The following SAMD5 variants were observed in gnomAD, a reference collection of about 807,000 sequenced individuals.
The protein encoded by SAMD5 is sterile alpha motif domain containing 5, also known as sterile alpha motif domain-containing protein 5.
A neutral mutation model predicts 11.3 loss-of-function variants in SAMD5; 13 were observed. The ratio of observed to expected loss-of-function variants is 1.15; its 90% CI spans 0.75 to 1.83. The LOEUF is 1.83. Ranked by LOEUF, SAMD5 falls within the 40% of genes most tolerant of loss-of-function variation. The pLI is 0.00. For synonymous variants in SAMD5, 129 were observed against 111.3 expected (o/e 1.16, Z -1.00); for missense variants, 255 against 239.1 (o/e 1.07, Z -0.44).
rs200377235 is a variant in SAMD5, at chr6:147,724,869, TA to T, written c.163-12445del. Among the ~76,000 whole-genome samples, 1,328 of 152,292 alleles carry T rather than the reference TA, an allele frequency of 8.7e-3. 15 individuals are homozygous for T. The highest frequency in any genetic ancestry group is 0.056 in the South Asian group (270 of 4,824). On this transcript the variant is annotated intron_variant, in intron 1 of 1. Transcript: ENST00000566741. ...ACCCAAACCTAAGAGTTTGGTGATT[TA>T]AAGTTTACTGCTAATTTCAGACAAA...
At position 147,569,716 on chromosome 6, in the gene SAMD5, T is replaced by A. The variant is rs962478593; in HGVS notation, c.*5260T>A. 21 of 985,388 alleles carry A rather than the reference T, an allele frequency of 2.1e-5. No individual in the cohort carries two copies. In the African/African-American group the frequency reaches 3.3e-4, roughly 16 times the overall value. 61.0% of individuals were successfully genotyped at this position (985,388 alleles called of 1,614,324 possible). On this transcript the variant is annotated 3_prime_UTR_variant, in exon 2 of 2. Coordinates refer to ENST00000367474, the MANE Select transcript of SAMD5 (RefSeq NM_001030060.3). Reference sequence around the variant, plus strand: ...ATACTATTCGGGTTGCTAAAGCCATTATTCATAGAAAATTTCTGCCCCTAC... The same window carrying A: ...ATACTATTCGGGTTGCTAAAGCCATAATTCATAGAAAATTTCTGCCCCTAC...
At chr6:147,850,722 A>G in the SAMD5 span, among the ~76,000 whole-genome samples, 1 of 151,816 alleles carries the variant, frequency 6.6e-6, no homozygotes, top group African/African-American at 2.4e-5. Flanking sequence ...TTCAAATCTC[A>G]TGCCATCCCA....
At chr6:147,563,803 CT>C (rs1388615568) in intron 1 of SAMD5, among the ~76,000 whole-genome samples, 3 of 152,242 alleles carry the variant, frequency 2.0e-5, no homozygotes, top group Non-Finnish European at 4.4e-5. Flanking sequence ...TAATTAACCT[CT>C]TTCCAGCTCA....
At chr6:147,708,547 G>A (rs1791355546) in intron 1 of SAMD5, among the ~76,000 whole-genome samples, 1 of 152,188 alleles carries the variant, frequency 6.6e-6, no homozygotes, top group Admixed American at 6.5e-5. Flanking sequence ...GCAAATGGGA[G>A]CTTGATAAAA....
At position 147,710,005 on chromosome 6, in the gene SAMD5, G is replaced by A. The variant is rs1299954857; in HGVS notation, c.163-27312G>A. 3.3e-5 allele frequency among the ~76,000 whole-genome samples: 5 copies of A among 152,150 alleles called. No individual in the cohort carries two copies. The East Asian group carries it at 5.8e-4, about 18-fold the overall frequency. ...CAGTGAGGTCTACAAAGTGCTTTAC[G>A]ATCAGGCCTCTGTCTACCTCCAAAT... On this transcript the variant is annotated intron_variant, in intron 1 of 1. Transcript: ENST00000566741.
At chr6:147,930,080 A>G in the SAMD5 span, among the ~76,000 whole-genome samples, 1 of 152,092 alleles carries the variant, frequency 6.6e-6, no homozygotes, top group Non-Finnish European at 1.5e-5. Context: ...TATACCCTAG[A>G]TTATCCCTCT....
At chr6:147,806,255 A>G in the SAMD5 span, among the ~76,000 whole-genome samples, 1 of 152,220 alleles carries the variant, frequency 6.6e-6, no homozygotes, top group Non-Finnish European at 1.5e-5. Flanking sequence ...ATGCGGCTAC[A>G]TCAACAGCGA....
chr6:147,528,061 T>C (rs1294270220), intron 1 of SAMD5, among the ~76,000 whole-genome samples: 1 of 151,970 alleles, frequency 6.6e-6, no homozygotes, highest in Non-Finnish European at 1.5e-5. Flanking sequence ...GGGATGCTGC[T>C]ACACCATTCA....
chr6:147,641,597 A>G (rs1438915767), intron 1 of SAMD5, among the ~76,000 whole-genome samples: 2 of 135,816 alleles, frequency 1.5e-5, no homozygotes, highest in Non-Finnish European at 3.2e-5. Flanking sequence ...TCAAAAGTTT[A>G]ATGGTTGTAT....
intron 1 of SAMD5, among the ~76,000 whole-genome samples, chr6:147,669,767 C>T (rs1004207066): frequency 1.3e-5 from 2 of 152,098 alleles, no homozygotes; most frequent in African/African-American, 2.4e-5. Flanking sequence ...TTGCTGTTTC[C>T]ACCACATCTG....
intron 1 of SAMD5, among the ~76,000 whole-genome samples, chr6:147,525,113 A>C (rs2128440514): frequency 6.6e-6 from 1 of 151,772 alleles, no homozygotes; most frequent in Non-Finnish European, 1.5e-5. Flanking sequence ...AAAAATAGAT[A>C]TGGTATAGGG....
At chr6:147,739,975 A>G (rs930186756), downstream of SAMD5, among the ~76,000 whole-genome samples, 1 of 151,932 alleles carries the variant, frequency 6.6e-6, no homozygotes, top group Non-Finnish European at 1.5e-5. Context: ...ACATGCCACC[A>G]CGCCCGGCCA....
chr6:147,532,293 C>T (rs1656851681), intron 1 of SAMD5, among the ~76,000 whole-genome samples: 1 of 151,422 alleles, frequency 6.6e-6, no homozygotes, highest in South Asian at 2.1e-4. Flanking sequence ...CTCCCTCCCA[C>T]CTTCCCCCAC....
intron 1 of SAMD5, among the ~76,000 whole-genome samples, chr6:147,653,969 CCCAGA>C (rs1332765808): frequency 6.6e-6 from 1 of 152,172 alleles, no homozygotes; most frequent in East Asian, 1.9e-4. Context: ...CTGGTCACAG[CCCAGA>C]AGATGTAATC....
At chr6:147,730,621 T>A (rs775590951) in intron 1 of SAMD5, among the ~76,000 whole-genome samples, 18 of 152,122 alleles carry the variant, frequency 1.2e-4, no homozygotes, top group Admixed American at 1.3e-4. Context: ...GATGTGGGCA[T>A]GTTGATGATA....
chr6:147,878,835 A>G, the SAMD5 span, among the ~76,000 whole-genome samples: 1 of 151,868 alleles, frequency 6.6e-6, no homozygotes, highest in Non-Finnish European at 1.5e-5. Flanking sequence ...GCTCACTGCA[A>G]GCTCCACCTC....
the SAMD5 span, among the ~76,000 whole-genome samples, chr6:147,928,143 C>T: frequency 6.6e-6 from 1 of 152,110 alleles, no homozygotes; most frequent in Non-Finnish European, 1.5e-5. Flanking sequence ...TTGGTTGTGT[C>T]TCTGCCAGGT....
chr6:147,517,030 C>T (rs957451633), intron 1 of SAMD5, among the ~76,000 whole-genome samples: 3 of 152,150 alleles, frequency 2.0e-5, no homozygotes, highest in Non-Finnish European at 4.4e-5. Context: ...GTCACTGGAC[C>T]CCTGCAGTTT....
intron 1 of SAMD5, among the ~76,000 whole-genome samples, chr6:147,698,390 G>A (rs1791208191): frequency 6.6e-6 from 1 of 152,228 alleles, no homozygotes; most frequent in South Asian, 2.1e-4. Context: ...CATAATAATG[G>A]CATTTTCTAC....
Sources: gnomAD v4.1 joint callset for allele counts (sites outside exome capture counted in the v4.1 genomes callset) on GRCh38, gnomAD v4.1.1 for gene constraint, MANE v1.5 for transcripts, NCBI Gene and HGNC (gene_info 2026-07-23, HGNC 2026-07-21) for gene names.